The following SYNPR variants were observed in gnomAD, a reference collection of about 807,000 sequenced individuals.
SYNPR encodes the protein synaptoporin.
A neutral mutation model predicts 32.9 loss-of-function variants in SYNPR; 23 were observed. That is an observed-to-expected ratio of 0.70 (90% CI 0.50 to 0.99). SYNPR has a LOEUF of 0.99. Ranked by LOEUF, SYNPR falls within the 50% of genes least tolerant of loss-of-function variation. The pLI is 0.00. For missense variants in SYNPR, 318 were observed against 349.3 expected (o/e 0.91, Z 0.71); for synonymous variants, 146 against 135.9 (o/e 1.07, Z -0.52).
chr3:63,242,538 G>A (rs1281740174), intron 1 of SYNPR, among the ~76,000 whole-genome samples: 1 of 152,128 alleles, frequency 6.6e-6, no homozygotes, highest in Non-Finnish European at 1.5e-5. Flanking sequence ...GTATGGAACA[G>A]AAACTCCTGG....
intron 3 of SYNPR, among the ~76,000 whole-genome samples, chr3:63,267,741 G>A (rs1336065707): frequency 1.3e-5 from 2 of 152,120 alleles, no homozygotes; most frequent in East Asian, 3.9e-4. Context: ...GTTTTGCAAT[G>A]TTGATTATTA....
chr3:63,565,563 A>G (rs1370734080), intron 4 of SYNPR, among the ~76,000 whole-genome samples: 1 of 152,194 alleles, frequency 6.6e-6, no homozygotes, highest in African/African-American at 2.4e-5. Flanking sequence ...TCATGGTCTA[A>G]TGACCTCTTA....
chr3:63,294,387 G>A (rs2086773089), intron 2 of SYNPR, among the ~76,000 whole-genome samples: 1 of 152,124 alleles, frequency 6.6e-6, no homozygotes, highest in Non-Finnish European at 1.5e-5. Flanking sequence ...GATTGACTTT[G>A]TACTCTAATT....
At chr3:63,543,474 A>G (rs1702343467) in intron 3 of SYNPR, among the ~76,000 whole-genome samples, 1 of 152,256 alleles carries the variant, frequency 6.6e-6, no homozygotes, top group South Asian at 2.1e-4. Flanking sequence ...GAAAATTATC[A>G]GTAGAAGATA....
In SYNPR at chr3:63,392,238, C is replaced by G. The variant is rs545601953; in HGVS notation, c.85-88594C>G. 3.3e-5 allele frequency among the ~76,000 whole-genome samples: 5 copies of G among 152,212 alleles called. No individual in the cohort carries two copies. In the South Asian group the frequency reaches 1.0e-3, roughly 32 times the overall value. On this transcript the variant is annotated intron_variant, in intron 2 of 5. Coordinates refer to ENST00000478300, the MANE Select transcript of SYNPR (RefSeq NM_001130003.2). ...AGTGGAATATTAGGTTGCCTAATTCCAGGCAGTAAGAGTGAGGTTTTCAGA... is the reference window on the plus strand; with the variant it reads ...AGTGGAATATTAGGTTGCCTAATTCGAGGCAGTAAGAGTGAGGTTTTCAGA...
chr3:63,218,648 G>A, the SYNPR span, among the ~76,000 whole-genome samples: 5 of 152,098 alleles, frequency 3.3e-5, no homozygotes, highest in Admixed American at 6.5e-5. Flanking sequence ...TCCTGACTTC[G>A]TGATCCGTCC....
At chr3:63,360,689 A>T (rs1430277749) in intron 2 of SYNPR, among the ~76,000 whole-genome samples, 1 of 151,820 alleles carries the variant, frequency 6.6e-6, no homozygotes, top group Non-Finnish European at 1.5e-5. Flanking sequence ...GTATTTTCTA[A>T]CTCCCCTTGG....
intron 2 of SYNPR, among the ~76,000 whole-genome samples, chr3:63,396,424 A>C (rs1296357952): frequency 3.3e-5 from 5 of 152,210 alleles, no homozygotes; most frequent in African/African-American, 1.2e-4. Context: ...GAAGGAGGGG[A>C]GAAGTTTTCA....
rs151120861 is a variant in SYNPR at position 63,528,151 on chromosome 3, T to C, written c.210-28392T>C. 8.5e-3 allele frequency among the ~76,000 whole-genome samples: 1,295 copies of C among 152,304 alleles called. 11 individuals are homozygous for C. The highest frequency in any genetic ancestry group is 0.015 in the South Asian group (72 of 4,828). ...TTTCTCTGAATCAAAAAGCAATCCA[T>C]GAAGTGTGTCTCCCTCTTGATCATC... On this transcript the variant is annotated intron_variant, in intron 3 of 5. Transcript: ENST00000478300.
chr3:63,453,053 T>A (rs1049385636), intron 2 of SYNPR, among the ~76,000 whole-genome samples: 1 of 152,096 alleles, frequency 6.6e-6, no homozygotes, highest in Non-Finnish European at 1.5e-5. Context: ...GGGAGCTTGT[T>A]AAAAATGCAG....
intron 2 of SYNPR, among the ~76,000 whole-genome samples, chr3:63,413,550 G>C (rs2088497706): frequency 6.6e-6 from 1 of 152,148 alleles, no homozygotes; most frequent in Non-Finnish European, 1.5e-5. Flanking sequence ...TCATTAAAAT[G>C]AGTGATGAGA....
At chr3:63,462,745 T>C (rs956725138) in intron 2 of SYNPR, among the ~76,000 whole-genome samples, 1 of 152,164 alleles carries the variant, frequency 6.6e-6, no homozygotes, top group Non-Finnish European at 1.5e-5. Context: ...ATGAAAACAT[T>C]AGACTGGAAA....
chr3:63,305,061 G>A (rs771061236), intron 2 of SYNPR, among the ~76,000 whole-genome samples: 2 of 151,928 alleles, frequency 1.3e-5, no homozygotes, highest in African/African-American at 2.4e-5. Context: ...TGACCTTCTG[G>A]TATTCAAATC....
At chr3:63,245,717 GTGTGTGTGTGTGTGTGTGTGTGTA>G (rs771831647) in intron 1 of SYNPR, among the ~76,000 whole-genome samples, 1,070 of 76,442 alleles carry the variant, frequency 0.014, 6 homozygotes, top group Middle Eastern at 0.016. Context: ...GAGAGTGTGT[GTGTGTGTGTGTGTGTGTGTGTGTA>G]TGTGTGTGTG....
chr3:63,422,388 A>C (rs943638293), intron 2 of SYNPR, among the ~76,000 whole-genome samples: 2 of 152,240 alleles, frequency 1.3e-5, no homozygotes, highest in Admixed American at 6.5e-5. Context: ...TTTAAGAACA[A>C]GATGATCAAC....
chr3:63,439,721 T>C (rs1012079612), intron 2 of SYNPR, among the ~76,000 whole-genome samples: 1 of 152,240 alleles, frequency 6.6e-6, no homozygotes, highest in African/African-American at 2.4e-5. Context: ...CAGAATGTTC[T>C]TTGAATGAAG....
At chr3:63,498,340 T>C (rs999401028) in intron 3 of SYNPR, among the ~76,000 whole-genome samples, 8 of 152,216 alleles carry the variant, frequency 5.3e-5, no homozygotes, top group Admixed American at 1.3e-4. Flanking sequence ...CTGTTCTTGG[T>C]GCCGGGAATC....
At chr3:63,362,110 C>G (rs1208490727) in intron 2 of SYNPR, among the ~76,000 whole-genome samples, 2 of 152,140 alleles carry the variant, frequency 1.3e-5, no homozygotes, top group African/African-American at 4.8e-5. Context: ...TGCATTATCT[C>G]CCTGCCATCT....
At chr3:63,256,449 A>AGGCAAACAGGGTCTGGAGTGGATCTCC (rs1400944726) in intron 2 of SYNPR, among the ~76,000 whole-genome samples, 3 of 152,206 alleles carry the variant, frequency 2.0e-5, no homozygotes, top group African/African-American at 7.2e-5. Context: ...GCTGATACCC[A>AGGCAAACAGGGTCTGGAGTGGATCTCC]GGCAAACAGG....
Sources: gnomAD v4.1 joint callset for allele counts (sites outside exome capture counted in the v4.1 genomes callset) on GRCh38, gnomAD v4.1.1 for gene constraint, MANE v1.5 for transcripts, NCBI Gene and HGNC (gene_info 2026-07-23, HGNC 2026-07-21) for gene names.